HNRNPM: variants seen among roughly 807,000 people sequenced by gnomAD.
The protein encoded by HNRNPM is CEA receptor.
HNRNPM carries 11 observed loss-of-function variants against 73.1 expected under a neutral mutation model. That is an observed-to-expected ratio of 0.15 (90% confidence interval 0.09 to 0.25). The LOEUF is 0.25. Among genes scored for constraint, HNRNPM ranks in the 10% least tolerant of loss-of-function variants. HNRNPM has a pLI of 1.00. For synonymous variants in HNRNPM, 407 were observed against 355.2 expected (o/e 1.15, Z -1.64); for missense variants, 789 against 1,067.9 (o/e 0.74, Z 3.64).
intron 8 of HNRNPM, among the ~76,000 whole-genome samples, chr19:8,468,472 A>G (rs1301744358): frequency 2.0e-5 from 3 of 152,204 alleles, no homozygotes; most frequent in African/African-American, 7.2e-5. Context: ...TTTTGAATAG[A>G]TGATAGATTC....
At position 8,487,112 on chromosome 19, in the gene HNRNPM, G is replaced by A. The variant is rs370478509; in HGVS notation, c.2029+37G>A. ...GAACGGCTTTGTAGGTGCTTCCCTC[G>A]TGCTTGTTGGTGACGCAGCCGAGTC... On this transcript the variant is annotated intron_variant, in intron 15 of 15. Transcript: ENST00000325495. 1.4e-4 allele frequency: 219 copies of A among 1,569,332 alleles called. 4 individuals carry two copies. The South Asian group carries it at 1.6e-3, about 11-fold the overall frequency.
intron 1 of HNRNPM, among the ~76,000 whole-genome samples, chr19:8,446,657 C>G (rs1333634023): frequency 6.6e-6 from 1 of 152,182 alleles, no homozygotes; most frequent in Non-Finnish European, 1.5e-5. Context: ...CCTGCCTAGG[C>G]CTTCCAAAGT....
intron 2 of HNRNPM, among the ~76,000 whole-genome samples, chr19:8,461,742 G>A (rs900378770): frequency 2.2e-5 from 3 of 138,378 alleles, no homozygotes; most frequent in Admixed American, 1.5e-4. Context: ...TTTAAATGGG[G>A]AGGTTTAGAA....
chr19:8,483,168 T>C lies in HNRNPM; in HGVS notation c.1131T>C (p.Ser377=), dbSNP rs1373590059. ...TCCTGATTTCCTTAGAAATCCTAAG[T>C]AATGCACTGAAGAGAGGAGAGATCA... The part of the protein sequence containing the change: ...MNMGRINEIL[S]NALKRGEIIA... Residue 377 remains serine, a synonymous_variant, in exon 13 of 16, where the codon AGT becomes AGC. Coordinates refer to ENST00000325495, the MANE Select transcript of HNRNPM (RefSeq NM_005968.5). 6.2e-7 allele frequency: 1 copy of C among 1,610,252 alleles called. No homozygotes were observed. Among genetic ancestry groups the C allele is most frequent in the Admixed American group, 1.7e-5 (1 of 59,364 alleles).
intron 2 of HNRNPM, among the ~76,000 whole-genome samples, chr19:8,457,752 T>A (rs1969120744): frequency 6.6e-6 from 1 of 152,194 alleles, no homozygotes; most frequent in African/African-American, 2.4e-5. Context: ...TTATTCCCGT[T>A]TTGGTGTACA....
At chr19:8,446,955 AT>A (rs1599734744) in intron 1 of HNRNPM, among the ~76,000 whole-genome samples, 1 of 152,242 alleles carries the variant, frequency 6.6e-6, no homozygotes, top group East Asian at 1.9e-4. Context: ...TGAGGGTGGT[AT>A]TTGGAGGGCT....
Position 8,465,421 on chromosome 19 carries a change from T to G in HNRNPM, c.536T>G (p.Ile179Ser). The change falls in exon 6 of 16, where the codon ATC becomes AGC. Residue 179 changes from isoleucine to serine, a missense_variant. Physicochemically the swap from Ile to Ser is moderately radical, Grantham distance 142. Around this residue, in one of 4 missense-constraint regions of HNRNPM, gnomAD observed 604 missense variants for 744.0 expected, o/e 0.81. Transcript: ENST00000325495. ...MGPGGPGMIT[I>S]PPSILNNPNI... ...CCAGGTGGCCCAGGAATGATTACTA[T>G]CCCACCCAGTATCCTAAATAATCCC... 1 of 1,613,798 alleles carries G rather than the reference T, an allele frequency of 6.2e-7. No homozygotes were observed. The highest frequency in any genetic ancestry group is 8.5e-7 in the Non-Finnish European group (1 of 1,179,722).
chr19:8,481,824 CG>C (rs571067179), intron 12 of HNRNPM, among the ~76,000 whole-genome samples: 146 of 152,182 alleles, frequency 9.6e-4, no homozygotes, highest in African/African-American at 3.2e-3. Flanking sequence ...GCAGGCGTCC[CG>C]GGAGAATGAG....
In HNRNPM at chr19:8,485,956, C is replaced by T. The variant is rs754586338; in HGVS notation, c.1528C>T (p.Arg510Cys). The change falls in exon 14 of 16, where the codon CGC becomes TGC. Residue 510 changes from arginine (R) to cysteine (C), a missense_variant. By Grantham distance (180) the Arg-to-Cys change is radical (BLOSUM62 -3). This residue lies in a region of HNRNPM where 604 missense variants were observed against 744.0 expected (regional missense o/e 0.81). Coordinates refer to ENST00000325495, the MANE Select transcript of HNRNPM (RefSeq NM_005968.5). The stretch of plus-strand genomic sequence containing the variant: ...CGACCGTGTGGGCCAGACCATTGAG[C>T]GCATGGGCTCTGGCGTGGAGCGCAT... ...PIDRVGQTIE[R>C]MGSGVERMGP... The T allele has an allele frequency of 2.5e-6, 4 of 1,606,050 alleles. No homozygotes were observed. Among genetic ancestry groups the T allele is most frequent in the Non-Finnish European group, 2.5e-6 (3 of 1,179,356 alleles).
At chr19:8,477,937 A>G (rs1466791804) in intron 12 of HNRNPM, among the ~76,000 whole-genome samples, 5 of 152,148 alleles carry the variant, frequency 3.3e-5, no homozygotes, top group East Asian at 1.9e-4. Flanking sequence ...GTGAGCCTCA[A>G]TTTCTTTTTA....
At chr19:8,472,477 A>G (rs1216055537) in intron 10 of HNRNPM, among the ~76,000 whole-genome samples, 2 of 152,202 alleles carry the variant, frequency 1.3e-5, no homozygotes. Context: ...GACCCAAAAC[A>G]CACACACCCC....
chr19:8,460,548 T>TA (rs1969330565), intron 2 of HNRNPM, among the ~76,000 whole-genome samples: 1 of 152,236 alleles, frequency 6.6e-6, no homozygotes, highest in African/African-American at 2.4e-5. Context: ...ACTAGACTGT[T>TA]ACGTGGAAAA....
chr19:8,472,190 AAAC>A (rs1220674152), intron 10 of HNRNPM, among the ~76,000 whole-genome samples: 1 of 151,754 alleles, frequency 6.6e-6, no homozygotes, highest in Non-Finnish European at 1.5e-5. Flanking sequence ...AAAAAAAAAA[AAAC>A]CTGCATGAAA....
rs1168860803 is a variant in HNRNPM at position 8,447,851 on chromosome 19, C to G, written c.113+2740C>G. On this transcript the variant is annotated intron_variant, in intron 1 of 15. Coordinates refer to ENST00000325495, the MANE Select transcript of HNRNPM (RefSeq NM_005968.5). Reference sequence around the variant, plus strand: ...ACCATCCTGGCTAACACGGTGAAACCCCGTCTCTACTAAAAATACAAAAAA... The same window carrying G: ...ACCATCCTGGCTAACACGGTGAAACGCCGTCTCTACTAAAAATACAAAAAA... 3.9e-5 allele frequency among the ~76,000 whole-genome samples: 6 copies of G among 152,152 alleles called. No homozygotes were observed. In the East Asian group the frequency reaches 1.2e-3, roughly 29 times the overall value.
chr19:8,465,554 A>C, intron 6 of HNRNPM, 39 bp downstream of exon 6: 1 of 1,288,522 alleles, frequency 7.8e-7, no homozygotes, highest in Non-Finnish European at 1.1e-6. Context: ...AGAAAATCAG[A>C]ACTTTATGAA....
chr19:8,467,662 C>T lies in HNRNPM; in HGVS notation c.834+78C>T, dbSNP rs1027765751. The T allele has an allele frequency of 1.1e-5, 11 of 1,018,522 alleles. No homozygotes were observed. The South Asian group carries it at 1.2e-4, about 11-fold the overall frequency. The allele number at this position is 1,018,522 out of a possible 1,614,324, so 63.1% of individuals were successfully genotyped here. On this transcript the variant is annotated intron_variant, in intron 8 of 15. Transcript: ENST00000325495. ...GAATTAATAAGAGTGTACATATAGC[C>T]ACTATGAAATATTTGTGGATTAGTC...
At chr19:8,488,572 C>G in intron 15 of HNRNPM, 119 bp from the exon 16 acceptor site, 1 of 815,864 alleles carries the variant, frequency 1.2e-6, no homozygotes. Flanking sequence ...CATTGGTTCT[C>G]GCCATTGTAT....
intron 1 of HNRNPM, among the ~76,000 whole-genome samples, chr19:8,452,891 A>G (rs148426078): frequency 0.04 from 6,108 of 152,232 alleles, 275 homozygotes; most frequent in African/African-American, 0.11. Context: ...ACCAGGCTGG[A>G]GTGCAGTGGT....
chr19:8,467,381 A>G (rs1056469153), intron 7 of HNRNPM, among the ~76,000 whole-genome samples, 154 bp from the exon 8 acceptor site: 10 of 152,152 alleles, frequency 6.6e-5, no homozygotes, highest in African/African-American at 2.4e-4. Context: ...TGTTCCTTTT[A>G]TGTTTATTGT....
Sources: allele counts gnomAD v4.1 joint callset (sites outside exome capture counted in the v4.1 genomes callset), GRCh38; gene constraint gnomAD v4.1.1; regional missense constraint gnomAD v4.1.1; transcripts MANE v1.5; gene names NCBI Gene and HGNC (gene_info 2026-07-23, HGNC 2026-07-21).